TBC1D30: variants seen among roughly 807,000 people sequenced by gnomAD.
TBC1D30 encodes the protein TBC1 domain family member 30.
A neutral mutation model predicts 63.2 loss-of-function variants in TBC1D30; 31 were observed. The ratio of observed to expected loss-of-function variants is 0.49; its 90% CI spans 0.37 to 0.66. TBC1D30 has a LOEUF of 0.66. TBC1D30 is among the 30% of genes least tolerant of loss of function. The probability of loss-of-function intolerance (pLI) is 0.00; values close to 1 mark genes in which losing one functional copy is unlikely to be tolerated. For missense variants in TBC1D30, 810 were observed against 953.6 expected (o/e 0.85, Z 1.98); for synonymous variants, 307 against 361.5 (o/e 0.85, Z 1.71).
Position 64,880,772 on chromosome 12 carries a change from G to T in TBC1D30, c.*4984G>T, listed in dbSNP as rs1879413517. On this transcript the variant is annotated 3_prime_UTR_variant, in exon 12 of 12. Transcript: ENST00000539867. ...CTAGCTACACCAACCTGTGCCCCAG[G>T]GGCTTCAAGAGTTGTTGTTGTTTTA... 1 of 152,100 alleles carries T rather than the reference G, an allele frequency of 6.6e-6. No individual in the cohort carries two copies. The highest frequency in any genetic ancestry group is 1.5e-5 in the Non-Finnish European group (1 of 68,020). 9.4% of individuals were successfully genotyped at this position (152,100 alleles called of 1,614,324 possible).
intron 10 of TBC1D30, among the ~76,000 whole-genome samples, chr12:64,869,024 A>G (rs1257040699): frequency 6.6e-6 from 1 of 151,672 alleles, no homozygotes; most frequent in Non-Finnish European, 1.5e-5. Context: ...TGGAATTATC[A>G]ATGTTATGCA....
At chr12:64,792,748 A>G (rs921092181) in intron 2 of TBC1D30, among the ~76,000 whole-genome samples, 19 of 151,638 alleles carry the variant, frequency 1.3e-4, no homozygotes, top group Admixed American at 3.3e-4. Context: ...TTTTTTTTTA[A>G]TTTTTAGTAG....
intron 1 of TBC1D30, among the ~76,000 whole-genome samples, chr12:64,759,833 G>A (rs936898119): frequency 6.6e-5 from 10 of 152,226 alleles, no homozygotes; most frequent in Non-Finnish European, 1.3e-4. Flanking sequence ...TCATCAGCTG[G>A]TGAGGAAAGT....
chr12:64,768,932 G>A (rs1028875637), intron 1 of TBC1D30, among the ~76,000 whole-genome samples: 2 of 152,058 alleles, frequency 1.3e-5, no homozygotes, highest in Non-Finnish European at 2.9e-5. Flanking sequence ...TGAGGCAGGC[G>A]GATTGCCTGA....
chr12:64,814,273 C>T (rs1203454955), intron 2 of TBC1D30, among the ~76,000 whole-genome samples: 1 of 152,116 alleles, frequency 6.6e-6, no homozygotes, highest in East Asian at 1.9e-4. Context: ...TCTTAAGCTC[C>T]TGGTCTCAAG....
intron 8 of TBC1D30, among the ~76,000 whole-genome samples, chr12:64,849,406 T>C (rs1412357857): frequency 6.6e-6 from 1 of 152,254 alleles, no homozygotes; most frequent in Admixed American, 6.5e-5. Context: ...TTTATGGTTT[T>C]AGGTCTTACG....
chr12:64,795,911 A>G (rs546217927), intron 2 of TBC1D30, among the ~76,000 whole-genome samples: 176 of 151,900 alleles, frequency 1.2e-3, no homozygotes, highest in African/African-American at 4.1e-3. Context: ...AGATTAGGGT[A>G]GATTTGCCTT....
Position 64,864,659 on chromosome 12 carries a change from G to A in TBC1D30, c.1039-9G>A, listed in dbSNP as rs1878063995. The A allele has an allele frequency of 3.3e-6, 5 of 1,532,764 alleles. No homozygotes were observed. Among genetic ancestry groups the A allele is most frequent in the Non-Finnish European group, 4.4e-6 (5 of 1,144,010 alleles). The allele number at this position is 1,532,764 out of a possible 1,614,324, so 94.9% of individuals were successfully genotyped here. On this transcript the variant is annotated splice_polypyrimidine_tract_variant and intron_variant, in intron 8 of 11. Coordinates refer to ENST00000539867, the MANE Select transcript of TBC1D30 (RefSeq NM_015279.2). ...TTTCAGACTTGGCATTTTTGCTTTTGTTTTACAGACTGTTTATTCCATGGC... is the reference window on the plus strand; with the variant it reads ...TTTCAGACTTGGCATTTTTGCTTTTATTTTACAGACTGTTTATTCCATGGC...
chr12:64,795,809 C>CTTT (rs5798759), intron 2 of TBC1D30, among the ~76,000 whole-genome samples: 1 of 145,152 alleles, frequency 6.9e-6, no homozygotes, highest in Non-Finnish European at 1.5e-5. Context: ...AAGTTAGATG[C>CTTT]TTTTTTTTTT....
chr12:64,768,946 C>G (rs570797074), intron 1 of TBC1D30, among the ~76,000 whole-genome samples: 1 of 152,012 alleles, frequency 6.6e-6, no homozygotes, highest in African/African-American at 2.4e-5. Flanking sequence ...TGCCTGAGCT[C>G]AGGAGTTCGA....
chr12:64,821,640 C>T (rs944060767), upstream of TBC1D30, among the ~76,000 whole-genome samples: 1 of 152,152 alleles, frequency 6.6e-6, no homozygotes, highest in Non-Finnish European at 1.5e-5. Context: ...GTATACTGTG[C>T]CCTCTAAAAA....
intron 11 of TBC1D30, among the ~76,000 whole-genome samples, chr12:64,873,907 T>C (rs991639040): frequency 1.3e-5 from 2 of 152,090 alleles, no homozygotes; most frequent in Non-Finnish European, 2.9e-5. Flanking sequence ...CCAGATGACA[T>C]GGACATCAAG....
intron 9 of TBC1D30, 38 bp from the exon 10 acceptor site, chr12:64,866,726 C>T: frequency 6.6e-7 from 1 of 1,524,224 alleles, no homozygotes; most frequent in South Asian, 1.2e-5. Flanking sequence ...CCATGGTTTT[C>T]TTTGTATATT....
At chr12:64,796,418 C>G (rs1163717825) in intron 2 of TBC1D30, among the ~76,000 whole-genome samples, 1 of 152,082 alleles carries the variant, frequency 6.6e-6, no homozygotes, top group African/African-American at 2.4e-5. Flanking sequence ...ACTATATATA[C>G]AGCCAGCAGG....
At chr12:64,790,365 T>G (rs2136301583) in intron 2 of TBC1D30, among the ~76,000 whole-genome samples, 1 of 152,288 alleles carries the variant, frequency 6.6e-6, no homozygotes, top group East Asian at 1.9e-4. Context: ...GATTCTGATG[T>G]TAGGATTTTT....
intron 2 of TBC1D30, among the ~76,000 whole-genome samples, chr12:64,808,362 G>A (rs1447095910): frequency 6.6e-6 from 1 of 152,118 alleles, no homozygotes; most frequent in Admixed American, 6.5e-5. Flanking sequence ...ACGTGGCATT[G>A]CAATACTCTA....
rs182114339 is a variant in TBC1D30, at chr12:64,877,690, C to G, written c.*1902C>G. 6.6e-6 allele frequency: 1 copy of G among 152,330 alleles called. No individual in the cohort carries two copies. The highest frequency in any genetic ancestry group is 1.5e-5 in the Non-Finnish European group (1 of 68,050). The allele number at this position is 152,330 out of a possible 1,614,324, so 9.4% of individuals were successfully genotyped here. The stretch of plus-strand genomic sequence containing the variant: ...CTTATTTTGCATACCACCCTCAGGG[C>G]CCAGAGACCCACTGCATTTTCCAAA... On this transcript the variant is annotated 3_prime_UTR_variant, in exon 12 of 12. Coordinates refer to ENST00000539867, the MANE Select transcript of TBC1D30 (RefSeq NM_015279.2).
chr12:64,781,593 G>A (rs1406593529), intron 1 of TBC1D30, among the ~76,000 whole-genome samples: 1 of 152,256 alleles, frequency 6.6e-6, no homozygotes, highest in Non-Finnish European at 1.5e-5. Context: ...AATTTCACCT[G>A]AACAGCTGTT....
chr12:64,833,097 G>A (rs186663722), intron 5 of TBC1D30, among the ~76,000 whole-genome samples: 3 of 152,254 alleles, frequency 2.0e-5, no homozygotes, highest in East Asian at 3.9e-4. Context: ...TCCCACACTA[G>A]TTATGCTTAA....
Sources: allele counts gnomAD v4.1 joint callset (sites outside exome capture counted in the v4.1 genomes callset), GRCh38; gene constraint gnomAD v4.1.1; transcripts MANE v1.5; gene names NCBI Gene and HGNC (gene_info 2026-07-23, HGNC 2026-07-21).